The following WIPI2 variants were observed in gnomAD, a reference collection of about 807,000 sequenced individuals.
WIPI2 encodes WD repeat domain, phosphoinositide interacting 2.
Under a neutral mutation model 52.3 loss-of-function variants are expected in WIPI2, and 28 were observed. The ratio of observed to expected loss-of-function variants is 0.54; its 90% CI spans 0.40 to 0.73. The LOEUF is 0.73. Among genes scored for constraint, WIPI2 ranks in the 30% least tolerant of loss-of-function variants. WIPI2 has a pLI of 0.00. For missense variants in WIPI2, 506 were observed against 602.9 expected (o/e 0.84, Z 1.68); for synonymous variants, 268 against 245.0 (o/e 1.09, Z -0.88).
intron 2 of WIPI2, among the ~76,000 whole-genome samples, chr7:5,197,914 ACTTG>A (rs1562385216): frequency 2.0e-5 from 3 of 152,146 alleles, no homozygotes; most frequent in East Asian, 3.9e-4. Flanking sequence ...TGAAAGCTGG[ACTTG>A]CTTCTTGTTT....
At chr7:5,199,458 AT>A in intron 2 of WIPI2, 117 bp from the exon 3 acceptor site, 2 of 788,058 alleles carry the variant, frequency 2.5e-6, no homozygotes, top group Non-Finnish European at 4.3e-6. Context: ...CTCTGTGCTG[AT>A]TTGTGGAGGG....
At position 5,216,318 on chromosome 7, in the gene WIPI2, G is replaced by A. The variant is rs1388613084; in HGVS notation, c.382-245G>A. On this transcript the variant is annotated intron_variant, in intron 4 of 12. Transcript: ENST00000288828. ...CTGGTGGCAGTCACCTGTAATTCCA[G>A]CTACTTGGGAGGCTGAGGCAGGAAA... 5 of 320,380 alleles carry A rather than the reference G, an allele frequency of 1.6e-5. No individual in the cohort carries two copies. The East Asian group carries it at 2.7e-4, about 17-fold the overall frequency. The allele number at this position is 320,380 out of a possible 1,614,324, so 19.8% of individuals were successfully genotyped here. A position where few individuals can be genotyped will look rare whatever the true frequency, so the allele number is the denominator to read the frequency against.
chr7:5,230,426 T>A lies in WIPI2; in HGVS notation c.1253-409T>A, dbSNP rs1268482272. 2.6e-5 allele frequency among the ~76,000 whole-genome samples: 4 copies of A among 152,210 alleles called. No individual in the cohort carries two copies. Among genetic ancestry groups the A allele is most frequent in the African/African-American group, 9.6e-5 (4 of 41,452 alleles). ...CACTCCAGTGGGAGAGCCTGTGGTT[T>A]TGCACCCACGCAGGGCTGTGCCTGC... On this transcript the variant is annotated intron_variant, in intron 12 of 12. Transcript: ENST00000288828. The surrounding 1 kb of genome is among the most constrained non-coding windows in gnomAD (Gnocchi z 4.8).
At chr7:5,219,550 C>T (rs1262939241) in intron 7 of WIPI2, among the ~76,000 whole-genome samples, 3 of 152,206 alleles carry the variant, frequency 2.0e-5, no homozygotes, top group Non-Finnish European at 2.9e-5. Context: ...CCCAGCCCCG[C>T]TCTGTCCCAG....
At chr7:5,194,092 G>T (rs982216289) in intron 2 of WIPI2, among the ~76,000 whole-genome samples, 5 of 152,200 alleles carry the variant, frequency 3.3e-5, no homozygotes, top group Non-Finnish European at 5.9e-5. Context: ...CCCAGTTTCT[G>T]GCTTGGGTTC....
intron 3 of WIPI2, among the ~76,000 whole-genome samples, chr7:5,209,890 C>A (rs1001010039): frequency 2.0e-5 from 3 of 152,044 alleles, no homozygotes; most frequent in African/African-American, 7.2e-5. Context: ...TTCTCCAGAA[C>A]ATAACTTCTT....
rs1452172881 is a variant in WIPI2 at position 5,217,955 on chromosome 7, C to A, written c.610C>A (p.Pro204Thr). The change falls in exon 7 of 13, where the codon CCT becomes ACT. Residue 204 changes from proline to threonine, a missense_variant. Pro to Thr is a conservative substitution (Grantham distance 38). This residue lies in a region of WIPI2 where 237 missense variants were observed against 346.9 expected (regional missense o/e 0.68). Transcript: ENST00000288828. ...AANMIPAHDS[P>T]LAALAFDASG... ...AAACATGATTCCGGCTCACGACAGT[C>A]CTTTAGCGGCACTGGCCTTTGACGC... 6.2e-7 allele frequency: 1 copy of A among 1,614,132 alleles called. No homozygotes were observed. The highest frequency in any genetic ancestry group is 8.5e-7 in the Non-Finnish European group (1 of 1,180,046).
chr7:5,201,897 C>A (rs892073517), intron 3 of WIPI2, among the ~76,000 whole-genome samples: 1 of 151,958 alleles, frequency 6.6e-6, no homozygotes, highest in African/African-American at 2.4e-5. Context: ...TTAAACTGAT[C>A]TATTACATTG....
intron 3 of WIPI2, among the ~76,000 whole-genome samples, chr7:5,210,933 G>A (rs1246686298): frequency 6.6e-6 from 1 of 152,142 alleles, no homozygotes; most frequent in Non-Finnish European, 1.5e-5. Context: ...ATAGAACTCA[G>A]CCCACACATG....
chr7:5,193,029 C>T, intron 1 of WIPI2, 89 bp from the exon 2 acceptor site: 1 of 1,309,724 alleles, frequency 7.6e-7, no homozygotes, highest in Non-Finnish European at 1.1e-6. Context: ...CAATGTCGTA[C>T]TTTTTCATGA....
intron 7 of WIPI2, 41 bp downstream of exon 7, chr7:5,218,055 G>T (rs114941527): frequency 6.2e-7 from 1 of 1,600,672 alleles, no homozygotes; most frequent in South Asian, 1.1e-5. Flanking sequence ...GTGCCAAGGC[G>T]TCCACAGACT....
chr7:5,214,303 G>T (rs1782703355), intron 3 of WIPI2: 4 of 1,526,400 alleles, frequency 2.6e-6, no homozygotes, highest in Non-Finnish European at 2.6e-6. Context: ...TGTCTTTCGT[G>T]TGAATGCTCG....
intron 7 of WIPI2, among the ~76,000 whole-genome samples, chr7:5,219,358 CT>C (rs1053938399): frequency 1.3e-5 from 2 of 152,228 alleles, no homozygotes; most frequent in African/African-American, 4.8e-5. Context: ...TTCTGTTACC[CT>C]TTGACTAATC....
Position 5,226,888 on chromosome 7 carries a change from G to A in WIPI2, c.849-292G>A, listed in dbSNP as rs141697079. The A allele has an allele frequency of 2.4e-3, 888 of 365,676 alleles. 2 individuals are homozygous for A. The highest frequency in any genetic ancestry group is 2.5e-3 in the Non-Finnish European group (507 of 199,912). The allele number at this position is 365,676 out of a possible 1,614,324, so 22.7% of individuals were successfully genotyped here. On this transcript the variant is annotated intron_variant, in intron 9 of 12. Transcript: ENST00000288828. ...AGGGGTCATCAGTTAGGCCCTAGACGTCCTCACACCCTTGCAAAGGGGATG... is the reference window on the plus strand; with the variant it reads ...AGGGGTCATCAGTTAGGCCCTAGACATCCTCACACCCTTGCAAAGGGGATG...
intron 11 of WIPI2, 40 bp from the exon 12 acceptor site, chr7:5,229,568 T>C (rs1783620645): frequency 6.3e-7 from 1 of 1,599,550 alleles, no homozygotes; most frequent in Non-Finnish European, 8.5e-7. Flanking sequence ...AGGGCTGCCC[T>C]GTGTGGAGAC....
At chr7:5,197,117 AC>A (rs1281104297) in intron 2 of WIPI2, among the ~76,000 whole-genome samples, 641 of 7,184 alleles carry the variant, frequency 0.089, 52 homozygotes, top group Admixed American at 0.13. Context: ...GTCTCAAAAA[AC>A]AAAAAAAAAA....
intron 1 of WIPI2, among the ~76,000 whole-genome samples, chr7:5,191,199 T>C (rs975978185): frequency 1.2e-4 from 18 of 152,006 alleles, no homozygotes; most frequent in African/African-American, 3.1e-4. Context: ...TTTTTGTATT[T>C]GTAGTAGAGA....
At chr7:5,210,727 T>TCTGTGAA (rs1162317034) in intron 3 of WIPI2, among the ~76,000 whole-genome samples, 1 of 152,242 alleles carries the variant, frequency 6.6e-6, no homozygotes, top group African/African-American at 2.4e-5. Context: ...ACAGTTCTAG[T>TCTGTGAA]CTGTAAGTCT....
intron 3 of WIPI2, among the ~76,000 whole-genome samples, chr7:5,209,072 TA>T (rs1163639140): frequency 6.8e-6 from 1 of 146,822 alleles, no homozygotes; most frequent in Non-Finnish European, 1.5e-5. Flanking sequence ...AATTTATTCC[TA>T]ATACTTTGGA....
Sources: allele counts gnomAD v4.1 joint callset (sites outside exome capture counted in the v4.1 genomes callset), GRCh38; gene constraint gnomAD v4.1.1; regional missense constraint gnomAD v4.1.1; non-coding constraint Gnocchi (gnomAD v3.1); transcripts MANE v1.5; gene names NCBI Gene and HGNC (gene_info 2026-07-23, HGNC 2026-07-21).